SCARF2: variants seen among roughly 807,000 people sequenced by gnomAD.
SCARF2 encodes the protein scavenger receptor class F member 2.
A neutral mutation model predicts 73.4 loss-of-function variants in SCARF2; 39 were observed. That is an observed-to-expected ratio of 0.53 (90% CI 0.41 to 0.69). SCARF2 has a LOEUF of 0.69. Ranked by LOEUF, SCARF2 falls within the 30% of genes least tolerant of loss-of-function variation. The pLI, the probability that SCARF2 is intolerant of heterozygous loss-of-function variation, is 0.00. For missense variants in SCARF2, 1,148 were observed against 1,303.5 expected (o/e 0.88, Z 1.84); for synonymous variants, 605 against 590.0 (o/e 1.03, Z -0.37).
At chr22:20,437,381 C>T (rs1015844201) in intron 1 of SCARF2, among the ~76,000 whole-genome samples, 11 of 152,260 alleles carry the variant, frequency 7.2e-5, no homozygotes, top group African/African-American at 2.2e-4. Flanking sequence ...CAGGTGACTT[C>T]TCGTCCAGGG....
intron 1 of SCARF2, among the ~76,000 whole-genome samples, chr22:20,433,782 CA>C (rs941898386): frequency 1.3e-5 from 2 of 152,266 alleles, no homozygotes; most frequent in African/African-American, 4.8e-5. Flanking sequence ...AGCCCTGACC[CA>C]GGGGGCACCA....
In SCARF2 at chr22:20,430,403, C is replaced by T. The variant is rs2052629044; in HGVS notation, c.1202+26G>A. Reference sequence around the variant, plus strand: ...CTCTGTGGCAGGTACAAGCCCCCAACCCCCTCCCGGTCCCGGGGCACTCAC... The same window carrying T: ...CTCTGTGGCAGGTACAAGCCCCCAATCCCCTCCCGGTCCCGGGGCACTCAC... On this transcript the variant is annotated intron_variant, in intron 6 of 10. Transcript: ENST00000622235. The T allele has an allele frequency of 2.5e-6, 4 of 1,579,402 alleles. No homozygotes were observed. The African/African-American group carries it at 4.1e-5, about 16-fold the overall frequency.
At position 20,430,705 on chromosome 22, in the gene SCARF2, C is replaced by G; in HGVS notation, c.1058G>C (p.Gly353Ala). 6.2e-7 allele frequency: 1 copy of G among 1,602,302 alleles called. No individual in the cohort carries two copies. Among genetic ancestry groups the G allele is most frequent in the Non-Finnish European group, 8.5e-7 (1 of 1,175,076 alleles). ...GGCTGCTCACCGGTCGCCGATCCAG[C>G]CCGCGTTGCAGCGCGTACACTTGCC... is the stretch of plus-strand genomic sequence containing the variant. ...VTGKCTRCNA[G>A]WIGDRCETKC... Residue 353 changes from glycine (G) to alanine (A), a missense_variant, in exon 5 of 11, where the codon GGC becomes GCC. Transcript: ENST00000622235.
intron 1 of SCARF2, among the ~76,000 whole-genome samples, chr22:20,434,771 A>G (rs1219387512): frequency 6.6e-6 from 1 of 152,086 alleles, no homozygotes; most frequent in Non-Finnish European, 1.5e-5. Flanking sequence ...TGTGATTCAA[A>G]CCCACTGTGA....
chr22:20,425,790 T>G lies in SCARF2; in HGVS notation c.2186A>C (p.Glu729Ala). The stretch of plus-strand genomic sequence containing the variant: ...CGAGGGCGCAGCGAGGGCTGTCGCC[T>G]CCTCGGGCAGCCCGGGGGGCCGCGG... ...PTPRPPGLPE[E>A]ATALAAPSPP... The change falls in exon 11 of 11, where the codon GAG becomes GCG. Residue 729 changes from glutamate (E) to alanine (A), a missense_variant. By Grantham distance (107) the Glu-to-Ala change is moderately radical. Around this residue, in one of 5 missense-constraint regions of SCARF2, gnomAD observed 437 missense variants for 433.6 expected, o/e 1.01. Transcript: ENST00000622235. This position sits in a 1 kb window ranked among gnomAD's most constrained non-coding sequence, Gnocchi z 4.6. The G allele has an allele frequency of 1.4e-6, 2 of 1,452,026 alleles. No homozygotes were observed. Among genetic ancestry groups the G allele is most frequent in the Non-Finnish European group, 1.8e-6 (2 of 1,106,504 alleles). 89.9% of individuals were successfully genotyped at this position (1,452,026 alleles called of 1,614,324 possible).
chr22:20,429,535 C>A lies in SCARF2; in HGVS notation c.1424+1G>T. ...GAAAGCGGGGCAGTATCTGGGCTCACCGGCGCGTAGGGTCCTTGCCGCGGC... is the reference window on the plus strand; with the variant it reads ...GAAAGCGGGGCAGTATCTGGGCTCAACGGCGCGTAGGGTCCTTGCCGCGGC... On this transcript the variant is annotated splice_donor_variant, in intron 8 of 10. Coordinates refer to ENST00000622235, the MANE Select transcript of SCARF2 (RefSeq NM_182895.5). LOFTEE classifies it high-confidence loss of function. The surrounding 1 kb of genome is among the most constrained non-coding windows in gnomAD (Gnocchi z 5.2). 5 of 1,612,530 alleles carry A rather than the reference C, an allele frequency of 3.1e-6. No individual in the cohort carries two copies. Among genetic ancestry groups the A allele is most frequent in the Non-Finnish European group, 4.2e-6 (5 of 1,179,644 alleles).
chr22:20,434,363 C>G (rs1282441750), intron 1 of SCARF2, among the ~76,000 whole-genome samples: 1 of 152,116 alleles, frequency 6.6e-6, no homozygotes, highest in Non-Finnish European at 1.5e-5. Flanking sequence ...GAGCGCGCGC[C>G]AAGACCTATG....
chr22:20,427,995 T>A (rs1469221270), intron 9 of SCARF2, among the ~76,000 whole-genome samples: 1 of 152,140 alleles, frequency 6.6e-6, no homozygotes, highest in Non-Finnish European at 1.5e-5. Flanking sequence ...GCTCAGCCCA[T>A]CTCAGCAAGC....
chr22:20,426,403 C>T (rs914978024), intron 10 of SCARF2, 121 bp from the exon 11 acceptor site: 7 of 1,097,646 alleles, frequency 6.4e-6, no homozygotes, highest in African/African-American at 4.9e-5. Context: ...GTCACCCTGG[C>T]ATCTAGACGT....
Position 20,430,917 on chromosome 22 carries a change from G to A in SCARF2, c.855-9C>T, listed in dbSNP as rs887420576. 6.9e-6 allele frequency: 11 copies of A among 1,584,042 alleles called. No homozygotes were observed. Among genetic ancestry groups the A allele is most frequent in the Admixed American group, 1.7e-5 (1 of 58,046 alleles). ...CCTTGCACTGGCCACACCTGGGGGA[G>A]GGGTCGGAGGCTAGGGAAGGCTGGG... is the stretch of plus-strand genomic sequence containing the variant. On this transcript the variant is annotated splice_polypyrimidine_tract_variant and intron_variant, in intron 4 of 10. Transcript: ENST00000622235.
In SCARF2 at chr22:20,425,893, T is replaced by C. The variant is rs755956529; in HGVS notation, c.2083A>G (p.Ser695Gly). 6.3e-7 allele frequency: 1 copy of C among 1,598,784 alleles called. No individual in the cohort carries two copies. Among genetic ancestry groups the C allele is most frequent in the Non-Finnish European group, 8.5e-7 (1 of 1,175,446 alleles). Residue 695 changes from serine (S) to glycine (G), a missense_variant, in exon 11 of 11, where the codon AGC becomes GGC. Ser to Gly is a moderately conservative substitution (Grantham distance 56). Coordinates refer to ENST00000622235, the MANE Select transcript of SCARF2 (RefSeq NM_182895.5). The surrounding 1 kb of genome is among the most constrained non-coding windows in gnomAD (Gnocchi z 4.6). ...TCGCTGGGCGTCCGTTTCCTCTTGCTGGGGCTGGGCGCGGCCTCGGAGCCT... is the reference window on the plus strand; with the variant it reads ...TCGCTGGGCGTCCGTTTCCTCTTGCCGGGGCTGGGCGCGGCCTCGGAGCCT... Reference protein sequence around the residue: ...PPGSEAAPSPSKRKRTPSDKS... With the variant: ...PPGSEAAPSPGKRKRTPSDKS...
rs753908704 is a variant in SCARF2 at position 20,429,374 on chromosome 22, C to G, written c.1425-34G>C. 8 of 1,508,104 alleles carry G rather than the reference C, an allele frequency of 5.3e-6. No homozygotes were observed. Among genetic ancestry groups the G allele is most frequent in the Non-Finnish European group, 7.2e-6 (8 of 1,104,352 alleles). The allele number at this position is 1,508,104 out of a possible 1,614,324, so 93.4% of individuals were successfully genotyped here. ...GCGGGGTCTGAGCGGAGGGGCGGGG[C>G]CGGGGCGGGGCCCAGGGGCGATTAG... On this transcript the variant is annotated intron_variant, in intron 8 of 10. Coordinates refer to ENST00000622235, the MANE Select transcript of SCARF2 (RefSeq NM_182895.5). The surrounding 1 kb of genome is among the most constrained non-coding windows in gnomAD (Gnocchi z 5.2).
chr22:20,431,919 G>T lies in SCARF2; in HGVS notation c.232+11C>A. ...CTCCCCCGCCCCAGGTCCCCGGGAT[G>T]ACCCACTCACCAATCCCACACTCGT... On this transcript the variant is annotated intron_variant, in intron 2 of 10. Transcript: ENST00000622235. 6.2e-7 allele frequency: 1 copy of T among 1,605,642 alleles called. No homozygotes were observed. The highest frequency in any genetic ancestry group is 1.1e-5 in the South Asian group (1 of 90,252).
Position 20,426,189 on chromosome 22 carries a change from G to A in SCARF2, c.1787C>T (p.Ala596Val), listed in dbSNP as rs1313717370. Residue 596 changes from alanine to valine, a missense_variant, in exon 11 of 11, where the codon GCC (alanine) becomes GTC (valine). Physicochemically the swap from Ala to Val is moderately conservative, Grantham distance 64. Transcript: ENST00000622235. ...SPVPLTTPAS[A>V]EEAIPLPASS... ...CGCGGGGAGGGGTATCGCCTCCTCG[G>A]CGGAGGCTGGCGTGGTCAAGGGCAC... The A allele has an allele frequency of 6.6e-7, 1 of 1,512,742 alleles. No individual in the cohort carries two copies. The highest frequency in any genetic ancestry group is 8.8e-7 in the Non-Finnish European group (1 of 1,136,334). The allele number at this position is 1,512,742 out of a possible 1,614,324, so 93.7% of individuals were successfully genotyped here.
chr22:20,431,690 C>G, intron 3 of SCARF2, 55 bp downstream of exon 3: 1 of 1,530,188 alleles, frequency 6.5e-7, no homozygotes, highest in Non-Finnish European at 8.8e-7. Context: ...GGACCCCGCC[C>G]CATCTCTCCA....
intron 6 of SCARF2, chr22:20,430,068 C>T (rs2052625396): frequency 3.2e-6 from 2 of 615,636 alleles, no homozygotes; most frequent in Admixed American, 2.9e-5. Context: ...GGATAGGACC[C>T]GTGGTGGCCG....
intron 6 of SCARF2, 186 bp from the exon 7 acceptor site, chr22:20,430,019 G>T: frequency 1.5e-6 from 1 of 655,436 alleles, no homozygotes; most frequent in Non-Finnish European, 2.6e-6. Flanking sequence ...TGGATGTTTT[G>T]GAAACGAATG....
In SCARF2 at chr22:20,429,354, G is replaced by A; in HGVS notation, c.1425-14C>T. On this transcript the variant is annotated splice_polypyrimidine_tract_variant and intron_variant, in intron 8 of 10. Coordinates refer to ENST00000622235, the MANE Select transcript of SCARF2 (RefSeq NM_182895.5). This position sits in a 1 kb window ranked among gnomAD's most constrained non-coding sequence, Gnocchi z 5.2. ...AGCGAAAGCTCCCTGCGGGGGCGGGGTCTGAGCGGAGGGGCGGGGCCGGGG... is the reference window on the plus strand; with the variant it reads ...AGCGAAAGCTCCCTGCGGGGGCGGGATCTGAGCGGAGGGGCGGGGCCGGGG... The A allele has an allele frequency of 7.0e-7, 1 of 1,436,546 alleles. No homozygotes were observed. Among genetic ancestry groups the A allele is most frequent in the Non-Finnish European group, 9.7e-7 (1 of 1,029,872 alleles). The allele number at this position is 1,436,546 out of a possible 1,614,324, so 89.0% of individuals were successfully genotyped here. A position where few individuals can be genotyped will look rare whatever the true frequency, so the allele number is the denominator to read the frequency against.
Position 20,425,913 on chromosome 22 carries a change from G to C in SCARF2, c.2063C>G (p.Ser688Cys), listed in dbSNP as rs2052571272. ...CTTGCTGGGGCTGGGCGCGGCCTCG[G>C]AGCCTGGCGGCGGTGGTGAGGGCGC... ...GRAPSPPPPG[S>C]EAAPSPSKRK... is the part of the protein sequence containing the mutation. The change falls in exon 11 of 11, where the codon TCC (serine) becomes TGC (cysteine). Residue 688 changes from serine to cysteine, a missense_variant. Around this residue, in one of 5 missense-constraint regions of SCARF2, gnomAD observed 437 missense variants for 433.6 expected, o/e 1.01. Coordinates refer to ENST00000622235, the MANE Select transcript of SCARF2 (RefSeq NM_182895.5). This position sits in a 1 kb window ranked among gnomAD's most constrained non-coding sequence, Gnocchi z 4.6. The C allele has an allele frequency of 6.3e-7, 1 of 1,598,310 alleles. No homozygotes were observed. Among genetic ancestry groups the C allele is most frequent in the Non-Finnish European group, 8.5e-7 (1 of 1,175,532 alleles).
Sources: gnomAD v4.1 joint callset for allele counts (sites outside exome capture counted in the v4.1 genomes callset) on GRCh38, gnomAD v4.1.1 for gene constraint, gnomAD v4.1.1 regional missense constraint, Gnocchi (gnomAD v3.1) non-coding constraint, MANE v1.5 for transcripts, NCBI Gene and HGNC (gene_info 2026-07-23, HGNC 2026-07-21) for gene names.